The following NEK1 variants were observed in gnomAD, a reference collection of about 807,000 sequenced individuals.
NEK1 encodes the protein serine/threonine-protein kinase Nek1.
A neutral mutation model predicts 182.1 loss-of-function variants in NEK1; 137 were observed. That is an observed-to-expected ratio of 0.75 (90% confidence interval 0.65 to 0.87). NEK1 has a LOEUF of 0.87. NEK1 is among the 40% of genes least tolerant of loss of function. NEK1 has a pLI of 0.00. For missense variants in NEK1, 1,391 were observed against 1,494.4 expected (o/e 0.93, Z 1.14); for synonymous variants, 513 against 492.2 (o/e 1.04, Z -0.56).
rs1240742692 is a variant in NEK1 at position 169,585,341 on chromosome 4, G to T, written c.807+8C>A. On this transcript the variant is annotated splice_region_variant and intron_variant, in intron 10 of 35. Coordinates refer to ENST00000507142, the MANE Select transcript of NEK1 (RefSeq NM_001199397.3). ...CTACTGTTTAATTTTAAAGGAAAAAGAACTTACCTGAGGAGAGAGAAACTT... is the reference window on the plus strand; with the variant it reads ...CTACTGTTTAATTTTAAAGGAAAAATAACTTACCTGAGGAGAGAGAAACTT... 2 of 1,608,998 alleles carry T rather than the reference G, an allele frequency of 1.2e-6. No homozygotes were observed. The highest frequency in any genetic ancestry group is 3.4e-5 in the Admixed American group (2 of 59,522).
intron 12 of NEK1, among the ~76,000 whole-genome samples, chr4:169,572,575 T>G (rs1398820711): frequency 6.6e-6 from 1 of 152,060 alleles, no homozygotes; most frequent in Non-Finnish European, 1.5e-5. Flanking sequence ...CATTAGAAAG[T>G]TCGTATGGAT....
chr4:169,548,241 GA>G (rs1263788527), intron 18 of NEK1, among the ~76,000 whole-genome samples: 1 of 152,190 alleles, frequency 6.6e-6, no homozygotes, highest in East Asian at 1.9e-4. Context: ...AGGTCTGCTG[GA>G]ATTTGCTAGA....
chr4:169,577,624 G>A (rs1173687540), intron 11 of NEK1, among the ~76,000 whole-genome samples: 1 of 151,966 alleles, frequency 6.6e-6, no homozygotes, highest in African/African-American at 2.4e-5. Flanking sequence ...GCTGGTGGTG[G>A]GCGCCTGTAG....
In NEK1 at chr4:169,479,611, A is replaced by T. The variant is rs1170947500; in HGVS notation, c.2008-77T>A. The T allele has an allele frequency of 1.8e-5, 22 of 1,193,136 alleles. No homozygotes were observed. The South Asian group carries it at 3.2e-4, about 17-fold the overall frequency. 73.9% of individuals were successfully genotyped at this position (1,193,136 alleles called of 1,614,324 possible). ...GAAATAAAATGGTACCTACCAGATC[A>T]CTATTTATCCACTCTATCCACAAGT... On this transcript the variant is annotated intron_variant, in intron 23 of 35. Coordinates refer to ENST00000507142, the MANE Select transcript of NEK1 (RefSeq NM_001199397.3).
chr4:169,410,996 G>A (rs1168512117), intron 31 of NEK1, among the ~76,000 whole-genome samples: 1 of 152,180 alleles, frequency 6.6e-6, no homozygotes, highest in Non-Finnish European at 1.5e-5. Context: ...CACAGAGTGT[G>A]TGCGTGCGTA....
intron 19 of NEK1, among the ~76,000 whole-genome samples, chr4:169,512,073 G>A (rs367588770): frequency 6.6e-6 from 1 of 152,034 alleles, no homozygotes; most frequent in Non-Finnish European, 1.5e-5. Context: ...AAGTTTCTAT[G>A]AATATTCATG....
chr4:169,589,488 T>A lies in NEK1; in HGVS notation c.423A>T (p.Thr141=). 6.6e-7 allele frequency: 1 copy of A among 1,513,206 alleles called. No individual in the cohort carries two copies. The highest frequency in any genetic ancestry group is 1.4e-5 in the African/African-American group (1 of 71,734). The allele number at this position is 1,513,206 out of a possible 1,614,324, so 93.7% of individuals were successfully genotyped here. ...SQNIFLTKDG[T]VQLGDFGIAR... ...CAATTCCAAAATCTCCAAGTTGTAC[T>A]GTTCCATCTTTAGTTAAAAATATGT... The change falls in exon 7 of 36, where the codon ACA becomes ACT. Residue 141 remains threonine (T), a synonymous_variant. Transcript: ENST00000507142.
In NEK1 at chr4:169,495,853, T is replaced by C. The variant is rs1170480510; in HGVS notation, c.2007+11184A>G. Among the ~76,000 whole-genome samples the C allele has an allele frequency of 2.0e-5, 3 of 152,310 alleles. No individual in the cohort carries two copies. The East Asian group carries it at 5.8e-4, about 29-fold the overall frequency. ...AGGTAGTGTGATGCCTCCAGCTTTGTTCTTTTGGCTTAGGATTGACTTGGC... is the reference window on the plus strand; with the variant it reads ...AGGTAGTGTGATGCCTCCAGCTTTGCTCTTTTGGCTTAGGATTGACTTGGC... On this transcript the variant is annotated intron_variant, in intron 23 of 35. Coordinates refer to ENST00000507142, the MANE Select transcript of NEK1 (RefSeq NM_001199397.3).
At chr4:169,448,301 G>C (rs1031031026) in intron 27 of NEK1, among the ~76,000 whole-genome samples, 1 of 152,080 alleles carries the variant, frequency 6.6e-6, no homozygotes, top group African/African-American at 2.4e-5. Context: ...TGAAAAGTGA[G>C]GGACAAAGTT....
chr4:169,481,593 TA>T (rs1318709304), intron 23 of NEK1, among the ~76,000 whole-genome samples: 1 of 152,154 alleles, frequency 6.6e-6, no homozygotes, highest in East Asian at 1.9e-4. Context: ...TATTTGGAAA[TA>T]ATTTTTTTTT....
At chr4:169,481,823 C>T (rs745908429) in intron 23 of NEK1, among the ~76,000 whole-genome samples, 4 of 152,130 alleles carry the variant, frequency 2.6e-5, no homozygotes, top group Non-Finnish European at 5.9e-5. Flanking sequence ...GAGAGTCAGC[C>T]AGTCTTTTGA....
chr4:169,555,908 A>C (rs760897121), intron 17 of NEK1, 24 bp downstream of exon 17: 185 of 1,613,268 alleles, frequency 1.1e-4, no homozygotes, highest in South Asian at 4.1e-4. Flanking sequence ...AAGCATAAGC[A>C]ACTTCTGCAG....
chr4:169,553,487 A>G (rs1761719407), intron 18 of NEK1, among the ~76,000 whole-genome samples: 1 of 152,232 alleles, frequency 6.6e-6, no homozygotes. Context: ...GACACAATCC[A>G]TGAAAGAAAC....
At chr4:169,494,746 C>T (rs1750831450) in intron 23 of NEK1, among the ~76,000 whole-genome samples, 1 of 152,200 alleles carries the variant, frequency 6.6e-6, no homozygotes, top group Admixed American at 6.5e-5. Context: ...TCTCCACATC[C>T]TCTCCAGCAC....
chr4:169,476,911 T>C (rs1049847888), intron 26 of NEK1, among the ~76,000 whole-genome samples: 2 of 152,066 alleles, frequency 1.3e-5, no homozygotes, highest in African/African-American at 4.8e-5. Context: ...ATAAAAATCC[T>C]TGCTATTAAG....
chr4:169,431,786 G>GA (rs1022985574), intron 29 of NEK1, among the ~76,000 whole-genome samples: 2 of 149,770 alleles, frequency 1.3e-5, no homozygotes, highest in African/African-American at 2.5e-5. Context: ...AAAAAAGAAA[G>GA]AAAAAAAATA....
intron 11 of NEK1, among the ~76,000 whole-genome samples, chr4:169,580,524 T>G (rs1179353007): frequency 6.6e-6 from 1 of 150,728 alleles, no homozygotes. Flanking sequence ...AAAGATAATA[T>G]TTTATATAAA....
intron 10 of NEK1, 37 bp downstream of exon 10, chr4:169,585,312 A>G (rs1401575158): frequency 3.3e-6 from 5 of 1,513,176 alleles, no homozygotes; most frequent in Non-Finnish European, 4.6e-6. Context: ...TAAGCAACAT[A>G]ACCCTACTGT....
chr4:169,599,224 CT>C, intron 4 of NEK1, 27 bp from the exon 5 acceptor site: 1 of 1,500,444 alleles, frequency 6.7e-7, no homozygotes, highest in Non-Finnish European at 9.2e-7. Context: ...TTACAGTCCA[CT>C]TTTAAAAACG....
Sources: allele counts gnomAD v4.1 joint callset (sites outside exome capture counted in the v4.1 genomes callset), GRCh38; gene constraint gnomAD v4.1.1; transcripts MANE v1.5; gene names NCBI Gene and HGNC (gene_info 2026-07-23, HGNC 2026-07-21).